The following ABLIM3 variants were observed in gnomAD, a reference collection of about 807,000 sequenced individuals.
ABLIM3 encodes the protein actin binding LIM protein family member 3, also known as actin-binding LIM protein 3.
ABLIM3 carries 61 observed loss-of-function variants against 109.5 expected under a neutral mutation model. The observed-to-expected ratio is 0.56, with a 90% CI of 0.45 to 0.69. The LOEUF is 0.69. Among genes scored for constraint, ABLIM3 ranks in the 30% least tolerant of loss-of-function variants. The pLI is 0.00. For synonymous variants in ABLIM3, 300 were observed against 324.8 expected (o/e 0.92, Z 0.82); for missense variants, 796 against 889.5 (o/e 0.89, Z 1.34).
At chr5:149,193,296 A>C (rs1328675626) in intron 3 of ABLIM3, among the ~76,000 whole-genome samples, 11 of 152,122 alleles carry the variant, frequency 7.2e-5, no homozygotes, top group Non-Finnish European at 1.0e-4. Context: ...AGGTTACTAA[A>C]TACAGAATAA....
At chr5:149,256,096 G>GTCAGA (rs1754401598) in intron 23 of ABLIM3, among the ~76,000 whole-genome samples, 1 of 152,228 alleles carries the variant, frequency 6.6e-6, no homozygotes, top group Non-Finnish European at 1.5e-5. Flanking sequence ...ATGGACAGTA[G>GTCAGA]TGGCATTAGG....
intron 3 of ABLIM3, among the ~76,000 whole-genome samples, chr5:149,197,168 C>T (rs956943081): frequency 6.6e-6 from 1 of 152,158 alleles, no homozygotes; most frequent in Admixed American, 6.5e-5. Context: ...AAAACCTAAT[C>T]TTCTTAAACT....
At chr5:149,197,458 G>A (rs192131035) in intron 3 of ABLIM3, among the ~76,000 whole-genome samples, 1 of 152,182 alleles carries the variant, frequency 6.6e-6, no homozygotes, top group East Asian at 1.9e-4. Flanking sequence ...CATCACCGAT[G>A]ATATGGGACA....
chr5:149,243,061 T>C (rs1753020436), intron 15 of ABLIM3, among the ~76,000 whole-genome samples: 2 of 152,270 alleles, frequency 1.3e-5, no homozygotes, highest in South Asian at 2.1e-4. Flanking sequence ...GCAGAGGAGA[T>C]GTAGATGAGT....
chr5:149,239,141 G>T, intron 11 of ABLIM3, 107 bp from the exon 12 acceptor site: 1 of 1,117,288 alleles, frequency 9.0e-7, no homozygotes, highest in Non-Finnish European at 1.4e-6. Flanking sequence ...AGGAACTGCT[G>T]CAAACCCTCT....
At chr5:149,224,903 C>T (rs1245380141) in intron 8 of ABLIM3, among the ~76,000 whole-genome samples, 1 of 152,144 alleles carries the variant, frequency 6.6e-6, no homozygotes, top group African/African-American at 2.4e-5. Flanking sequence ...ATGATGTAGC[C>T]AGGATTGGAA....
rs888286819 is a variant in ABLIM3, at chr5:149,259,650, G to A, written c.*1246G>A. 22 of 1,461,134 alleles carry A rather than the reference G, an allele frequency of 1.5e-5. No homozygotes were observed. The African/African-American group carries it at 1.5e-4, about 10-fold the overall frequency. 90.5% of individuals were successfully genotyped at this position (1,461,134 alleles called of 1,614,324 possible). A position where few individuals can be genotyped will look rare whatever the true frequency, so the allele number is the denominator to read the frequency against. On this transcript the variant is annotated 3_prime_UTR_variant, in exon 24 of 24. Coordinates refer to ENST00000309868, the MANE Select transcript of ABLIM3 (RefSeq NM_014945.5). The stretch of plus-strand genomic sequence containing the variant: ...TTCCCAGTGGCTTCCCTTCCTGCTC[G>A]CCTCCCTGAACAGGGGAGAAAGCTT...
At chr5:149,158,567 AAAAAT>A (rs1289264144) in intron 2 of ABLIM3, among the ~76,000 whole-genome samples, 13 of 152,190 alleles carry the variant, frequency 8.5e-5, no homozygotes, top group Admixed American at 5.2e-4. Context: ...ATAAAAAGTA[AAAAAT>A]AAAATAAAAA....
intron 22 of ABLIM3, 182 bp downstream of exon 22, chr5:149,252,390 T>A: frequency 1.6e-6 from 1 of 617,612 alleles, no homozygotes; most frequent in Non-Finnish European, 2.8e-6. Flanking sequence ...AATCCTGCCC[T>A]AGGTCTCTTG....
chr5:149,258,810 A>G lies in ABLIM3; in HGVS notation c.*406A>G. On this transcript the variant is annotated 3_prime_UTR_variant, in exon 24 of 24. Coordinates refer to ENST00000309868, the MANE Select transcript of ABLIM3 (RefSeq NM_014945.5). ...GGTTTCCACACCTTATTGGCCCCAGAGGGGCCCTCCCATGGGAAGATCTGC... is the reference window on the plus strand; with the variant it reads ...GGTTTCCACACCTTATTGGCCCCAGGGGGGCCCTCCCATGGGAAGATCTGC... 64 of 991,354 alleles carry G rather than the reference A, an allele frequency of 6.5e-5. No homozygotes were observed. The highest frequency in any genetic ancestry group is 7.7e-5 in the Non-Finnish European group (64 of 834,080). The allele number at this position is 991,354 out of a possible 1,614,324, so 61.4% of individuals were successfully genotyped here. A position where few individuals can be genotyped will look rare whatever the true frequency, so the allele number is the denominator to read the frequency against.
intron 3 of ABLIM3, among the ~76,000 whole-genome samples, chr5:149,197,099 AT>A (rs898120701): frequency 6.6e-6 from 1 of 151,974 alleles, no homozygotes; most frequent in African/African-American, 2.4e-5. Context: ...TGTTTGAGAT[AT>A]TTTTCTAAAT....
At chr5:149,184,573 T>C (rs1756774137) in intron 3 of ABLIM3, among the ~76,000 whole-genome samples, 1 of 152,328 alleles carries the variant, frequency 6.6e-6, no homozygotes, top group East Asian at 1.9e-4. Flanking sequence ...TGATCCATTC[T>C]AGTGTGTCAC....
intron 2 of ABLIM3, among the ~76,000 whole-genome samples, chr5:149,145,018 A>C (rs535967770): frequency 6.6e-6 from 1 of 152,298 alleles, no homozygotes; most frequent in East Asian, 1.9e-4. Context: ...TTCAGAAGGT[A>C]CATGTGCAGG....
At chr5:149,244,761 C>T (rs1295225779) in intron 15 of ABLIM3, 120 bp from the exon 16 acceptor site, 5 of 1,272,748 alleles carry the variant, frequency 3.9e-6, no homozygotes, top group East Asian at 4.6e-5. Context: ...TAACAGAGAG[C>T]CCTGATCTTG....
At chr5:149,215,708 T>C (rs529365213) in intron 7 of ABLIM3, among the ~76,000 whole-genome samples, 3 of 152,268 alleles carry the variant, frequency 2.0e-5, no homozygotes, top group African/African-American at 7.2e-5. Flanking sequence ...AACCCTGCCC[T>C]GACGTTGCAA....
At chr5:149,199,955 T>C (rs1014164783) in intron 4 of ABLIM3, among the ~76,000 whole-genome samples, 6 of 152,190 alleles carry the variant, frequency 3.9e-5, no homozygotes, top group African/African-American at 1.4e-4. Flanking sequence ...AGTTTGTGAG[T>C]TGAATGAATT....
At chr5:149,225,996 A>G (rs1368298679) in intron 8 of ABLIM3, among the ~76,000 whole-genome samples, 536 of 44,572 alleles carry the variant, frequency 0.012, 1 homozygote, top group East Asian at 0.03. Flanking sequence ...ATATATATAT[A>G]TATATATATA....
At position 149,252,160 on chromosome 5, in the gene ABLIM3, T is replaced by C. The variant is rs766713142; in HGVS notation, c.1850-41T>C. On this transcript the variant is annotated intron_variant, in intron 21 of 23. Coordinates refer to ENST00000309868, the MANE Select transcript of ABLIM3 (RefSeq NM_014945.5). ...TGTAGTGATGCAAAGCAAAGACTGA[T>C]GGGCTCCATTCTGTGTGTGTGTCTC... 14 of 1,612,888 alleles carry C rather than the reference T, an allele frequency of 8.7e-6. 1 individual carries two copies. In the East Asian group the frequency reaches 2.9e-4, roughly 33 times the overall value.
At chr5:149,229,098 T>C (rs556932527) in intron 8 of ABLIM3, among the ~76,000 whole-genome samples, 7 of 152,160 alleles carry the variant, frequency 4.6e-5, no homozygotes, top group Non-Finnish European at 1.0e-4. Flanking sequence ...TCCTGATAGA[T>C]TCGGAAGCAA....
Sources: allele counts gnomAD v4.1 joint callset (sites outside exome capture counted in the v4.1 genomes callset), GRCh38; gene constraint gnomAD v4.1.1; transcripts MANE v1.5; gene names NCBI Gene and HGNC (gene_info 2026-07-23, HGNC 2026-07-21).